HERC3: variants seen among roughly 807,000 people sequenced by gnomAD.
HERC3 encodes the protein probable E3 ubiquitin-protein ligase HERC3.
In HERC3, 58 loss-of-function variants were observed where a neutral mutation model predicts 129.9. That is an observed-to-expected ratio of 0.45 (90% CI 0.36 to 0.56). The LOEUF (loss-of-function observed/expected upper bound fraction) is 0.56, where lower values mean the gene tolerates loss of function less well. Among genes scored for constraint, HERC3 ranks in the 20% least tolerant of loss-of-function variants. The pLI is 0.00. For missense variants in HERC3, 835 were observed against 1,244.2 expected (o/e 0.67, Z 4.95); for synonymous variants, 430 against 451.0 (o/e 0.95, Z 0.59).
chr4:88,663,182 G>A (rs963215808), intron 11 of HERC3, among the ~76,000 whole-genome samples: 3 of 152,194 alleles, frequency 2.0e-5, no homozygotes, highest in African/African-American at 4.8e-5. Context: ...GTTATTCCCA[G>A]AAACGTACAT....
chr4:88,609,090 C>T (rs1723995307), intron 3 of HERC3, among the ~76,000 whole-genome samples: 1 of 144,704 alleles, frequency 6.9e-6, no homozygotes, highest in South Asian at 2.2e-4. Context: ...AGTTGGGGAC[C>T]AGCCTGGGCA....
the HERC3 span, among the ~76,000 whole-genome samples, chr4:88,555,495 G>T: frequency 2.1e-3 from 315 of 152,200 alleles, 1 homozygote; most frequent in Middle Eastern, 6.8e-3. Context: ...TTTACAAGTG[G>T]CTCTTGGGTA....
chr4:88,577,944 AG>A, the HERC3 span, among the ~76,000 whole-genome samples: 1 of 152,172 alleles, frequency 6.6e-6, no homozygotes, highest in Non-Finnish European at 1.5e-5. Flanking sequence ...TCATGGGTAA[AG>A]GAGGTGATGT....
chr4:88,580,988 T>A, the HERC3 span, among the ~76,000 whole-genome samples: 2 of 152,146 alleles, frequency 1.3e-5, no homozygotes, highest in East Asian at 3.8e-4. Context: ...ATAACTTTCA[T>A]CAGATTCCTG....
intron 4 of HERC3, among the ~76,000 whole-genome samples, chr4:88,651,194 G>A (rs1191809218): frequency 1.3e-5 from 2 of 152,046 alleles, no homozygotes; most frequent in African/African-American, 4.8e-5. Context: ...ACACAATTAA[G>A]GTTTTTAACG....
chr4:88,579,688 C>G, the HERC3 span, among the ~76,000 whole-genome samples: 2 of 152,146 alleles, frequency 1.3e-5, no homozygotes, highest in African/African-American at 4.8e-5. Flanking sequence ...AATAATCTAT[C>G]CCCCTCTGCC....
At chr4:88,693,716 CAGAG>C (rs1427013776) in intron 23 of HERC3, 7 of 981,632 alleles carry the variant, frequency 7.1e-6, no homozygotes, top group Middle Eastern at 5.2e-4. Context: ...CATTCTCAGG[CAGAG>C]AGAGCTGCCA....
intron 16 of HERC3, among the ~76,000 whole-genome samples, chr4:88,675,850 A>G (rs929752971): frequency 1.2e-4 from 18 of 152,196 alleles, no homozygotes; most frequent in African/African-American, 4.1e-4. Flanking sequence ...AACAAATAAA[A>G]TCTAATTTGT....
intron 23 of HERC3, chr4:88,697,576 T>C (rs1486104345): frequency 6.2e-7 from 1 of 1,614,084 alleles, no homozygotes; most frequent in Non-Finnish European, 8.5e-7. Context: ...TGGGGCATTC[T>C]CTGCAGGGGT....
chr4:88,632,531 C>A (rs1248635376), intron 3 of HERC3, among the ~76,000 whole-genome samples: 1 of 152,100 alleles, frequency 6.6e-6, no homozygotes, highest in East Asian at 1.9e-4. Context: ...AACAAGCTGG[C>A]CCAAATACTT....
At chr4:88,689,291 G>A (rs1255521989) in intron 23 of HERC3, among the ~76,000 whole-genome samples, 3 of 151,134 alleles carry the variant, frequency 2.0e-5, no homozygotes, top group Non-Finnish European at 4.4e-5. Context: ...AATTGCTTGA[G>A]CTCAGAAGTT....
chr4:88,576,051 C>T, the HERC3 span, among the ~76,000 whole-genome samples: 14 of 152,300 alleles, frequency 9.2e-5, no homozygotes, highest in South Asian at 2.9e-3. Context: ...CTGCTCAAGC[C>T]AGCAATCTAG....
chr4:88,699,980 C>T (rs1220862345), intron 23 of HERC3, among the ~76,000 whole-genome samples: 1 of 152,058 alleles, frequency 6.6e-6, no homozygotes, highest in African/African-American at 2.4e-5. Flanking sequence ...TGTGGCCCTT[C>T]CCCAGCATCC....
rs1735564136 is a variant in HERC3 at position 88,704,176 on chromosome 4, C to T, written c.2736C>T (p.Gly912=). The T allele has an allele frequency of 6.2e-7, 1 of 1,614,146 alleles. No individual in the cohort carries two copies. The highest frequency in any genetic ancestry group is 8.5e-7 in the Non-Finnish European group (1 of 1,179,992). ...VHEWYTAFSS[G]FLKVCGGKVL... ...AATGGTACACAGCCTTCTCTAGTGG[C>T]TTCCTAAAGGTGTGTGGTGGCAAAG... Residue 912 remains glycine, a synonymous_variant, in exon 24 of 26, where the codon GGC becomes GGT. Transcript: ENST00000402738.
chr4:88,588,546 T>C (rs1280051951), upstream of HERC3, among the ~76,000 whole-genome samples: 1 of 152,198 alleles, frequency 6.6e-6, no homozygotes, highest in Non-Finnish European at 1.5e-5. Context: ...AGTCAGTGCT[T>C]TTCCCTCCTA....
At chr4:88,553,620 G>T in the HERC3 span, among the ~76,000 whole-genome samples, 29 of 152,254 alleles carry the variant, frequency 1.9e-4, no homozygotes, top group African/African-American at 6.7e-4. Flanking sequence ...TAAACCTATG[G>T]TGTTAGAAAT....
At chr4:88,628,273 A>T (rs768530026) in intron 3 of HERC3, among the ~76,000 whole-genome samples, 2 of 152,112 alleles carry the variant, frequency 1.3e-5, no homozygotes, top group Non-Finnish European at 2.9e-5. Flanking sequence ...TAATGAGTTG[A>T]TCCTTTTAAC....
At chr4:88,633,698 CTAAACA>C (rs1399856945) in intron 3 of HERC3, among the ~76,000 whole-genome samples, 1 of 150,896 alleles carries the variant, frequency 6.6e-6, no homozygotes. Context: ...TAGAAATAGT[CTAAACA>C]AAACAACCCA....
chr4:88,686,146 T>TAA (rs559429282), intron 21 of HERC3, among the ~76,000 whole-genome samples: 2 of 147,520 alleles, frequency 1.4e-5, no homozygotes, highest in Non-Finnish European at 3.0e-5. Flanking sequence ...CTCCATCTCT[T>TAA]AAAAAAAAAA....
Sources: gnomAD v4.1 joint callset for allele counts (sites outside exome capture counted in the v4.1 genomes callset) on GRCh38, gnomAD v4.1.1 for gene constraint, MANE v1.5 for transcripts, NCBI Gene and HGNC (gene_info 2026-07-23, HGNC 2026-07-21) for gene names.